PCDHA9: variants seen among roughly 807,000 people sequenced by gnomAD.
PCDHA9 encodes protocadherin alpha-9.
Under a neutral mutation model 62.0 loss-of-function variants are expected in PCDHA9, and 62 were observed. The ratio of observed to expected loss-of-function variants is 1.00; its 90% CI spans 0.81 to 1.23. The LOEUF (loss-of-function observed/expected upper bound fraction) is 1.23, where lower values mean the gene tolerates loss of function less well. PCDHA9 is among the 50% of genes most tolerant of loss of function. PCDHA9 has a pLI of 0.00. For synonymous variants in PCDHA9, 557 were observed against 567.6 expected, an observed-to-expected ratio of 0.98 and a Z score of 0.27; for missense variants, 1,205 against 1,249.8, an observed-to-expected ratio of 0.96 and a Z score of 0.54.
intron 3 of PCDHA9, among the ~76,000 whole-genome samples, chr5:140,990,304 A>T (rs114506238): frequency 3.9e-5 from 6 of 152,286 alleles, no homozygotes; most frequent in Non-Finnish European, 8.8e-5. Context: ...CATTGTCTGT[A>T]AAAAACCAAC....
In PCDHA9 at chr5:140,850,274, G is replaced by A; in HGVS notation, c.1779G>A (p.Lys593=). ...RSVGAGVVVG[K]VRAVDADSGY... is the part of the protein sequence containing the mutation. ...TGGGCGCCGGCGTAGTGGTGGGGAA[G>A]GTGCGCGCAGTGGACGCCGACTCGG... The change falls in exon 1 of 4, where the codon AAG becomes AAA. Residue 593 remains lysine, a synonymous_variant. Coordinates refer to ENST00000532602, the MANE Select transcript of PCDHA9 (RefSeq NM_031857.2). 1 of 1,595,442 alleles carries A rather than the reference G, an allele frequency of 6.3e-7. No homozygotes were observed. The highest frequency in any genetic ancestry group is 8.6e-7 in the Non-Finnish European group (1 of 1,167,602).
chr5:140,853,105 T>G, intron 1 of PCDHA9: 1 of 397,242 alleles, frequency 2.5e-6, no homozygotes, highest in African/African-American at 2.2e-5. Context: ...GGTCTCGATC[T>G]CCTGACCTCA....
Position 140,850,387 on chromosome 5 carries a change from T to G in PCDHA9, c.1892T>G (p.Ile631Ser). Residue 631 changes from isoleucine to serine, a missense_variant, in exon 1 of 4, where the codon ATC (isoleucine) becomes AGC (serine). Ile to Ser is a moderately radical substitution (Grantham distance 142). Around this residue, in one of 3 missense-constraint regions of PCDHA9, gnomAD observed 887 missense variants for 809.5 expected, o/e 1.10. Transcript: ENST00000532602. ...CGCGTGGGGCTGTACACGGGCGAGA[T>G]CAGCACAACGCGTGCCCTGGACGAA... ...PFRVGLYTGEISTTRALDETD... is the reference protein window; with the variant it reads ...PFRVGLYTGESSTTRALDETD... 6.3e-7 allele frequency: 1 copy of G among 1,597,588 alleles called. No individual in the cohort carries two copies.
chr5:140,875,054 C>A (rs2055251816), intron 1 of PCDHA9, among the ~76,000 whole-genome samples: 1 of 152,146 alleles, frequency 6.6e-6, no homozygotes, highest in Non-Finnish European at 1.5e-5. Flanking sequence ...TACTTTGAAG[C>A]AGAAAACATT....
intron 1 of PCDHA9, among the ~76,000 whole-genome samples, chr5:140,887,774 C>G (rs2061572628): frequency 6.6e-6 from 1 of 152,168 alleles, no homozygotes; most frequent in Non-Finnish European, 1.5e-5. Context: ...TACAATGACA[C>G]AGGTCATTGA....
chr5:140,869,502 C>T lies in PCDHA9; in HGVS notation c.2394+18613C>T, dbSNP rs2051182557. 3 of 1,614,090 alleles carry T rather than the reference C, an allele frequency of 1.9e-6. No homozygotes were observed. In the African/African-American group the frequency reaches 4.0e-5, roughly 22 times the overall value. On this transcript the variant is annotated intron_variant, in intron 1 of 3. Transcript: ENST00000532602. Reference sequence around the variant, plus strand: ...ACATTAACGACAACCCGCCGGTGTTCTCGCTCAGAGAACAAAAGCTGCTGA... The same window carrying T: ...ACATTAACGACAACCCGCCGGTGTTTTCGCTCAGAGAACAAAAGCTGCTGA...
Position 140,883,341 on chromosome 5 carries a change from C to A in PCDHA9, c.2394+32452C>A, listed in dbSNP as rs144000682. The A allele has an allele frequency of 4.3e-5, 70 of 1,614,144 alleles. No homozygotes were observed. The African/African-American group carries it at 9.1e-4, about 21-fold the overall frequency. The stretch of plus-strand genomic sequence containing the variant: ...GTTACCATCACTTCTTTGTCACTCC[C>A]CATCAGAGAAGACACTCAGCCTAGC... On this transcript the variant is annotated intron_variant, in intron 1 of 3. Transcript: ENST00000532602.
chr5:140,882,836 T>C (rs782210486), intron 1 of PCDHA9: 1 of 1,614,226 alleles, frequency 6.2e-7, no homozygotes, highest in South Asian at 1.1e-5. Flanking sequence ...TGAGCAAATG[T>C]CTTCATTATC....
chr5:140,889,037 A>G (rs2062077417), intron 1 of PCDHA9, among the ~76,000 whole-genome samples: 1 of 151,994 alleles, frequency 6.6e-6, no homozygotes, highest in Non-Finnish European at 1.5e-5. Context: ...CCGTAATTTG[A>G]TTATAATTTA....
At chr5:140,929,174 G>A (rs782544510) in intron 1 of PCDHA9, 2 of 1,614,140 alleles carry the variant, frequency 1.2e-6, no homozygotes, top group East Asian at 4.5e-5. Context: ...GCCTCTCTGG[G>A]ACTTGGTTCT....
At chr5:140,928,160 C>G (rs782224079) in intron 1 of PCDHA9, 1 of 1,614,096 alleles carries the variant, frequency 6.2e-7, no homozygotes, top group Non-Finnish European at 8.5e-7. Flanking sequence ...AGTGGCTCAC[C>G]CCCACTTAGC....
At position 140,850,280 on chromosome 5, in the gene PCDHA9, C is replaced by G; in HGVS notation, c.1785C>G (p.Arg595=). 1 of 1,595,478 alleles carries G rather than the reference C, an allele frequency of 6.3e-7. No homozygotes were observed. The highest frequency in any genetic ancestry group is 8.6e-7 in the Non-Finnish European group (1 of 1,167,556). The change falls in exon 1 of 4, where the codon CGC becomes CGG. Residue 595 remains arginine, a synonymous_variant. Coordinates refer to ENST00000532602, the MANE Select transcript of PCDHA9 (RefSeq NM_031857.2). ...CCGGCGTAGTGGTGGGGAAGGTGCG[C>G]GCAGTGGACGCCGACTCGGGCTACA... The part of the protein sequence containing the change: ...VGAGVVVGKV[R]AVDADSGYNA...
intron 1 of PCDHA9, among the ~76,000 whole-genome samples, chr5:140,972,288 C>T (rs1263314074): frequency 2.0e-5 from 3 of 150,942 alleles, no homozygotes; most frequent in African/African-American, 4.9e-5. Context: ...CATAGATGTG[C>T]GCCACCGTGT....
In PCDHA9 at chr5:140,850,782, G is replaced by A. The variant is rs1485656675; in HGVS notation, c.2287G>A (p.Gly763Ser). The A allele has an allele frequency of 1.3e-6, 2 of 1,598,136 alleles. No individual in the cohort carries two copies. The highest frequency in any genetic ancestry group is 1.3e-5 in the African/African-American group (1 of 74,332). Residue 763 changes from glycine to serine, a missense_variant, in exon 1 of 4, where the codon GGT becomes AGT. By Grantham distance (56) the Gly-to-Ser change is moderately conservative. This residue lies in a region of PCDHA9 where 887 missense variants were observed against 809.5 expected (regional missense o/e 1.10). Transcript: ENST00000532602. Reference sequence around the variant, plus strand: ...GAGGCAGAGGGTGTGCTCTGGCGAGGGTAAGCAGAAGACCGACCTCATGGC... The same window carrying A: ...GAGGCAGAGGGTGTGCTCTGGCGAGAGTAAGCAGAAGACCGACCTCATGGC... ...QRRQRVCSGEGKQKTDLMAFS... is the reference protein window; with the variant it reads ...QRRQRVCSGESKQKTDLMAFS...
rs199785183 is a variant in PCDHA9 at position 140,850,432 on chromosome 5, G to T, written c.1937G>T (p.Arg646Leu). The change falls in exon 1 of 4, where the codon CGC becomes CTC. Residue 646 changes from arginine (R) to leucine (L), a missense_variant. Physicochemically the swap from Arg to Leu is moderately radical, Grantham distance 102. This residue lies in a region of PCDHA9 where 887 missense variants were observed against 809.5 expected (regional missense o/e 1.10). Transcript: ENST00000532602. ...GACGAAACGGACGCACCGCGCCAGC[G>T]CCTACTGGTGCTGGTGAAAGACCAC... ...ALDETDAPRQRLLVLVKDHGE... is the reference protein window; with the variant it reads ...ALDETDAPRQLLLVLVKDHGE... 1.6e-4 allele frequency: 251 copies of T among 1,597,712 alleles called. 21 individuals carry two copies. The highest frequency in any genetic ancestry group is 3.2e-4 in the Admixed American group (19 of 59,266).
chr5:140,866,304 A>G (rs898524631), intron 1 of PCDHA9: 16 of 152,138 alleles, frequency 1.1e-4, no homozygotes, highest in African/African-American at 3.6e-4. Flanking sequence ...AGATGTTGAT[A>G]TTATTATTTC....
intron 1 of PCDHA9, among the ~76,000 whole-genome samples, chr5:140,903,229 T>G (rs2153479721): frequency 6.6e-6 from 1 of 152,340 alleles, no homozygotes; most frequent in Non-Finnish European, 1.5e-5. Context: ...CATCTATTAC[T>G]TTTTGATTTT....
At position 140,969,313 on chromosome 5, in the gene PCDHA9, G is replaced by A. The variant is rs2096317901; in HGVS notation, c.2395-9636G>A. 3.7e-6 allele frequency: 6 copies of A among 1,614,160 alleles called. No homozygotes were observed. In the East Asian group the frequency reaches 8.9e-5, roughly 24 times the overall value. ...GGAACCTGATTATTCTCAAAAATGAGGCTGTTTCTCAAAATGAGGTGAGAC... is the reference window on the plus strand; with the variant it reads ...GGAACCTGATTATTCTCAAAAATGAAGCTGTTTCTCAAAATGAGGTGAGAC... On this transcript the variant is annotated intron_variant, in intron 1 of 3. Coordinates refer to ENST00000532602, the MANE Select transcript of PCDHA9 (RefSeq NM_031857.2).
At position 140,881,397 on chromosome 5, in the gene PCDHA9, T is replaced by C. The variant is rs571341331; in HGVS notation, c.2394+30508T>C. On this transcript the variant is annotated intron_variant, in intron 1 of 3. Transcript: ENST00000532602. ...CAGCCGGCGGCGGTAAGTTAAATTC[T>C]ATTAAATCAATAGGATATTAGTTCC... 20 of 979,006 alleles carry C rather than the reference T, an allele frequency of 2.0e-5. No homozygotes were observed. In the African/African-American group the frequency reaches 3.5e-4, roughly 17 times the overall value. 60.6% of individuals were successfully genotyped at this position (979,006 alleles called of 1,614,324 possible). A position where few individuals can be genotyped will look rare whatever the true frequency, so the allele number is the denominator to read the frequency against.
Sources: allele counts gnomAD v4.1 joint callset (sites outside exome capture counted in the v4.1 genomes callset), GRCh38; gene constraint gnomAD v4.1.1; regional missense constraint gnomAD v4.1.1; transcripts MANE v1.5; gene names NCBI Gene and HGNC (gene_info 2026-07-23, HGNC 2026-07-21).